Variants in PDE8A observed in about 807,000 individuals in gnomAD.
PDE8A encodes phosphodiesterase 8A.
Under a neutral mutation model 105.0 loss-of-function variants are expected in PDE8A, and 59 were observed. The ratio of observed to expected loss-of-function variants is 0.56; its 90% CI spans 0.46 to 0.70. The LOEUF (loss-of-function observed/expected upper bound fraction) is 0.70, where lower values mean the gene tolerates loss of function less well. Among genes scored for constraint, PDE8A ranks in the 30% least tolerant of loss-of-function variants. The pLI, the probability that PDE8A is intolerant of heterozygous loss-of-function variation, is 0.00. For missense variants in PDE8A, 1,014 were observed against 1,045.9 expected (o/e 0.97, Z 0.42); for synonymous variants, 355 against 371.9 (o/e 0.95, Z 0.52).
intron 21 of PDE8A, among the ~76,000 whole-genome samples, 186 bp downstream of exon 21, chr15:85,136,849 T>C (rs2082418936): frequency 6.6e-6 from 1 of 152,152 alleles, no homozygotes; most frequent in African/African-American, 2.4e-5. Context: ...CCCGCAGGCA[T>C]AGGTGTCTTT....
At chr15:85,072,339 T>A (rs1207457760) in intron 3 of PDE8A, among the ~76,000 whole-genome samples, 2 of 152,208 alleles carry the variant, frequency 1.3e-5, no homozygotes, top group African/African-American at 4.8e-5. Flanking sequence ...ATTATCAGAA[T>A]TATTTGTAGT....
chr15:85,007,987 T>G (rs1436886161), intron 1 of PDE8A, among the ~76,000 whole-genome samples: 4 of 152,098 alleles, frequency 2.6e-5, no homozygotes, highest in Non-Finnish European at 5.9e-5. Context: ...CATATGAACC[T>G]TGACCTTGCC....
intron 19 of PDE8A, among the ~76,000 whole-genome samples, 197 bp from the exon 20 acceptor site, chr15:85,126,010 C>G (rs929589196): frequency 2.6e-5 from 4 of 152,104 alleles, no homozygotes; most frequent in African/African-American, 9.7e-5. Flanking sequence ...CTGTTGCAAT[C>G]TCACTGAGCC....
At chr15:85,132,393 C>T (rs2082341918) in intron 20 of PDE8A, among the ~76,000 whole-genome samples, 1 of 152,026 alleles carries the variant, frequency 6.6e-6, no homozygotes, top group Admixed American at 6.5e-5. Context: ...TTTCTTCATT[C>T]TTTTTTCTTT....
intron 1 of PDE8A, among the ~76,000 whole-genome samples, chr15:85,001,740 G>A (rs2080070867): frequency 1.3e-5 from 2 of 152,198 alleles, no homozygotes; most frequent in African/African-American, 4.8e-5. Flanking sequence ...TGAGTGTGTG[G>A]CACAAACACA....
intron 6 of PDE8A, among the ~76,000 whole-genome samples, chr15:85,087,620 T>C (rs928742921): frequency 1.3e-5 from 2 of 152,202 alleles, no homozygotes. Context: ...AGATTACTTA[T>C]ACAAGGAAAA....
At chr15:85,069,494 C>G (rs765466631) in intron 3 of PDE8A, among the ~76,000 whole-genome samples, 3 of 152,172 alleles carry the variant, frequency 2.0e-5, no homozygotes, top group African/African-American at 4.8e-5. Context: ...TGTGTCCCCC[C>G]ACCCCAGACA....
intron 1 of PDE8A, among the ~76,000 whole-genome samples, chr15:85,026,842 T>A (rs1438302426): frequency 6.6e-6 from 1 of 152,122 alleles, no homozygotes; most frequent in Non-Finnish European, 1.5e-5. Flanking sequence ...ACAGAGTGCC[T>A]CATGTAGTCA....
intron 16 of PDE8A, among the ~76,000 whole-genome samples, chr15:85,116,851 C>T (rs572303171): frequency 6.6e-6 from 1 of 152,356 alleles, no homozygotes; most frequent in Admixed American, 6.5e-5. Context: ...TTCTACTTCC[C>T]TATCTCCCAG....
intron 17 of PDE8A, among the ~76,000 whole-genome samples, chr15:85,118,161 T>G (rs754089887): frequency 1.3e-5 from 2 of 152,188 alleles, no homozygotes; most frequent in Admixed American, 1.3e-4. Context: ...CAAGTAACTG[T>G]TGGATATCCC....
At chr15:84,996,221 G>A (rs1318540836) in intron 1 of PDE8A, among the ~76,000 whole-genome samples, 2 of 151,438 alleles carry the variant, frequency 1.3e-5, no homozygotes, top group Non-Finnish European at 2.9e-5. Context: ...GTCTTGCTCT[G>A]TTGCCCAGGC....
At chr15:84,984,233 C>G (rs77954243) in intron 1 of PDE8A, among the ~76,000 whole-genome samples, 4,577 of 152,216 alleles carry the variant, frequency 0.03, 250 homozygotes, top group African/African-American at 0.1. Context: ...TAGCCCCATA[C>G]TTGTTATTCA....
chr15:85,083,653 A>G lies in PDE8A; in HGVS notation c.635+9A>G, dbSNP rs187244599. The stretch of plus-strand genomic sequence containing the variant: ...TCACAACTGAAACTCAGGTAATTCT[A>G]CCACTTCTGGAAAGCCCTCCAGGCC... On this transcript the variant is annotated intron_variant, in intron 6 of 21. Coordinates refer to ENST00000394553, the MANE Select transcript of PDE8A (RefSeq NM_002605.3). The G allele has an allele frequency of 1.7e-4, 276 of 1,590,586 alleles. 1 individual carries two copies. The African/African-American group carries it at 3.4e-3, about 20-fold the overall frequency.
chr15:85,100,005 T>G lies in PDE8A; in HGVS notation c.942-10T>G. The G allele has an allele frequency of 6.2e-7, 1 of 1,605,216 alleles. No homozygotes were observed. Among genetic ancestry groups the G allele is most frequent in the South Asian group, 1.1e-5 (1 of 89,498 alleles). On this transcript the variant is annotated splice_polypyrimidine_tract_variant and intron_variant, in intron 9 of 21. Coordinates refer to ENST00000394553, the MANE Select transcript of PDE8A (RefSeq NM_002605.3). Reference sequence around the variant, plus strand: ...CAGAAGAGAAATAATGCATTGTTTTTTACTTGCAGAAAAATTAGACACTAT... The same window carrying G: ...CAGAAGAGAAATAATGCATTGTTTTGTACTTGCAGAAAAATTAGACACTAT...
chr15:85,004,922 A>C (rs1398156637), intron 1 of PDE8A, among the ~76,000 whole-genome samples: 4 of 149,918 alleles, frequency 2.7e-5, no homozygotes, highest in Non-Finnish European at 5.9e-5. Context: ...TGAAGAATAC[A>C]TTATGACATT....
At chr15:85,019,227 A>C (rs565353813) in intron 1 of PDE8A, among the ~76,000 whole-genome samples, 2 of 152,304 alleles carry the variant, frequency 1.3e-5, no homozygotes, top group South Asian at 4.1e-4. Context: ...GTTATTTTTA[A>C]ATTTTGTTAG....
intron 5 of PDE8A, among the ~76,000 whole-genome samples, chr15:85,078,372 C>G (rs1006713443): frequency 3.3e-5 from 5 of 151,442 alleles, no homozygotes; most frequent in African/African-American, 9.7e-5. Context: ...ATGGTGAAAC[C>G]CTGTCTTGAC....
In PDE8A at chr15:85,065,361, T is replaced by C. The variant is rs374418428; in HGVS notation, c.243+935T>C. 4.2e-5 allele frequency among the ~76,000 whole-genome samples: 6 copies of C among 143,654 alleles called. No homozygotes were observed. In the East Asian group the frequency reaches 8.6e-4, roughly 21 times the overall value. 94.2% of individuals were successfully genotyped at this position (143,654 alleles called of 152,430 possible). A position where few individuals can be genotyped will look rare whatever the true frequency, so the allele number is the denominator to read the frequency against. On this transcript the variant is annotated intron_variant, in intron 2 of 21. Coordinates refer to ENST00000394553, the MANE Select transcript of PDE8A (RefSeq NM_002605.3). ...GAGGGGGGAGGGGGGAGGGATAGCA[T>C]TGGGAGATATACCTAATGCTAGATG...
At chr15:85,047,081 T>C (rs2080898719) in intron 1 of PDE8A, among the ~76,000 whole-genome samples, 1 of 152,240 alleles carries the variant, frequency 6.6e-6, no homozygotes, top group Non-Finnish European at 1.5e-5. Flanking sequence ...CTTTTGTTTC[T>C]ATATTGCTTA....
Sources: gnomAD v4.1 joint callset for allele counts (sites outside exome capture counted in the v4.1 genomes callset) on GRCh38, gnomAD v4.1.1 for gene constraint, MANE v1.5 for transcripts, NCBI Gene and HGNC (gene_info 2026-07-23, HGNC 2026-07-21) for gene names.